Variants in DISC1 observed in about 807,000 individuals in gnomAD.
The protein encoded by DISC1 is DISC1 scaffold protein, also known as disrupted in schizophrenia 1 protein.
DISC1 carries 57 observed loss-of-function variants against 84.5 expected under a neutral mutation model. The ratio of observed to expected loss-of-function variants is 0.67; its 90% CI spans 0.55 to 0.84. The LOEUF (loss-of-function observed/expected upper bound fraction) is 0.84. DISC1 is among the 40% of genes least tolerant of loss of function. The pLI is 0.00. For missense variants in DISC1, 1,000 were observed against 1,057.8 expected, an observed-to-expected ratio of 0.95 and a Z score of 0.76; for synonymous variants, 411 against 415.2, an observed-to-expected ratio of 0.99 and a Z score of 0.12.
At chr1:231,669,646 A>G (rs2062386392) in intron 1 of DISC1, among the ~76,000 whole-genome samples, 1 of 152,230 alleles carries the variant, frequency 6.6e-6, no homozygotes, top group Admixed American at 6.5e-5. Flanking sequence ...TGATCATGAG[A>G]GAGGTGTAAA....
intron 10 of DISC1, among the ~76,000 whole-genome samples, chr1:231,972,533 C>T (rs1412040703): frequency 2.0e-5 from 3 of 152,174 alleles, no homozygotes; most frequent in Non-Finnish European, 4.4e-5. Flanking sequence ...GGCTTCTCAT[C>T]TCCAGCTATG....
At chr1:231,718,971 A>G (rs373294678) in intron 3 of DISC1, among the ~76,000 whole-genome samples, 5 of 152,104 alleles carry the variant, frequency 3.3e-5, no homozygotes, top group Admixed American at 2.6e-4. Flanking sequence ...CCATGTCTAT[A>G]AAATTTAGCC....
At chr1:231,919,825 G>A (rs560759614) in intron 9 of DISC1, among the ~76,000 whole-genome samples, 42 of 152,242 alleles carry the variant, frequency 2.8e-4, no homozygotes, top group African/African-American at 9.9e-4. Flanking sequence ...AATAATTTCA[G>A]GTGTGCCTTG....
intron 10 of DISC1, among the ~76,000 whole-genome samples, chr1:231,960,286 G>A (rs1343937427): frequency 6.6e-6 from 1 of 151,732 alleles, no homozygotes; most frequent in East Asian, 1.9e-4. Flanking sequence ...ATGAAGTTTC[G>A]CTCATTGCCC....
chr1:231,700,945 G>T (rs2066341878), intron 2 of DISC1, among the ~76,000 whole-genome samples: 1 of 152,164 alleles, frequency 6.6e-6, no homozygotes, highest in East Asian at 1.9e-4. Flanking sequence ...TCCATTCATT[G>T]GTAGGCCAAG....
At chr1:231,658,847 A>G (rs2061348349) in intron 1 of DISC1, among the ~76,000 whole-genome samples, 1 of 152,162 alleles carries the variant, frequency 6.6e-6, no homozygotes, top group Admixed American at 6.5e-5. Flanking sequence ...TCTAGTGGAT[A>G]AGCTTTTTGA....
intron 10 of DISC1, among the ~76,000 whole-genome samples, chr1:231,992,060 A>G (rs997893623): frequency 3.1e-4 from 47 of 152,184 alleles, no homozygotes; most frequent in African/African-American, 1.1e-3. Flanking sequence ...TCATGCTGCA[A>G]TGATCATCCT....
At chr1:231,825,186 C>G (rs1467133611) in intron 9 of DISC1, among the ~76,000 whole-genome samples, 3 of 152,120 alleles carry the variant, frequency 2.0e-5, no homozygotes, top group Admixed American at 6.5e-5. Context: ...TTTCACTTGT[C>G]TCTCTACTTG....
chr1:231,872,768 A>G (rs979607562), intron 9 of DISC1, among the ~76,000 whole-genome samples: 6 of 152,174 alleles, frequency 3.9e-5, no homozygotes, highest in African/African-American at 1.4e-4. Flanking sequence ...AATTCTCGTT[A>G]AATTACTCAT....
chr1:231,722,624 A>C, intron 3 of DISC1: 1 of 1,614,128 alleles, frequency 6.2e-7, no homozygotes, highest in Non-Finnish European at 8.5e-7. Flanking sequence ...AATTTAAACA[A>C]AGCAAGACAA....
chr1:232,014,383 G>T (rs821642), intron 11 of DISC1, among the ~76,000 whole-genome samples: 52,414 of 152,040 alleles, frequency 0.34, 9,287 homozygotes, highest in East Asian at 0.42. Context: ...AGCTGGTTTT[G>T]CTCTTTTTGT....
chr1:231,806,402 G>T (rs190298678), intron 8 of DISC1, among the ~76,000 whole-genome samples: 1 of 152,340 alleles, frequency 6.6e-6, no homozygotes, highest in Non-Finnish European at 1.5e-5. Flanking sequence ...TGTCAATGGG[G>T]TGGATTCGTT....
At chr1:231,641,331 T>G (rs992148908) in intron 1 of DISC1, among the ~76,000 whole-genome samples, 2 of 152,078 alleles carry the variant, frequency 1.3e-5, no homozygotes, top group African/African-American at 4.8e-5. Context: ...AGTGGGTTCG[T>G]GGTCTCGCTG....
At chr1:231,768,659 C>T (rs59887627) in intron 5 of DISC1, among the ~76,000 whole-genome samples, 1 of 152,304 alleles carries the variant, frequency 6.6e-6, no homozygotes, top group South Asian at 2.1e-4. Flanking sequence ...TAAGGGTTCA[C>T]TAAGTGCCAG....
rs115518322 is a variant in DISC1 at position 231,663,808 on chromosome 1, T to C, written c.68-30018T>C. Among the ~76,000 whole-genome samples, 1,066 of 152,360 alleles carry C rather than the reference T, an allele frequency of 7.0e-3. 8 individuals carry two copies. The highest frequency in any genetic ancestry group is 0.012 in the Non-Finnish European group (841 of 68,032). On this transcript the variant is annotated intron_variant, in intron 1 of 12. Coordinates refer to ENST00000439617, the MANE Select transcript of DISC1 (RefSeq NM_018662.3). The stretch of plus-strand genomic sequence containing the variant: ...AGAGCTTTATTTCCATGGGGGCTAA[T>C]GCTCCTTTAAGTTTCTGGCAATGAT...
intron 9 of DISC1, among the ~76,000 whole-genome samples, chr1:231,866,181 A>C (rs1270077683): frequency 6.6e-6 from 1 of 152,102 alleles, no homozygotes; most frequent in African/African-American, 2.4e-5. Flanking sequence ...TACCCCCTGC[A>C]CGTGCAGAGC....
chr1:232,009,716 C>A lies in DISC1; in HGVS notation c.2307+667C>A. 1.7e-6 allele frequency: 1 copy of A among 593,178 alleles called. No homozygotes were observed. Among genetic ancestry groups the A allele is most frequent in the Non-Finnish European group, 2.1e-6 (1 of 472,204 alleles). The allele number at this position is 593,178 out of a possible 1,614,324, so 36.7% of individuals were successfully genotyped here. ...CCCTTCCACTCCTCACTTTCCTCCT[C>A]CCACCCTAACAAGAGTCTTTTCCAT... On this transcript the variant is annotated intron_variant, in intron 11 of 12. Transcript: ENST00000439617. The surrounding 1 kb of genome is among the most constrained non-coding windows in gnomAD (Gnocchi z 4.6).
At chr1:231,936,515 G>A (rs1378492149) in intron 9 of DISC1, among the ~76,000 whole-genome samples, 1 of 152,172 alleles carries the variant, frequency 6.6e-6, no homozygotes. Flanking sequence ...AAAGAGGTTT[G>A]AATGTTTTTA....
At chr1:231,879,455 A>G (rs1002546132) in intron 9 of DISC1, among the ~76,000 whole-genome samples, 10 of 152,006 alleles carry the variant, frequency 6.6e-5, no homozygotes, top group African/African-American at 1.5e-4. Context: ...AAGGTTTGCT[A>G]TAGCCAGTGA....
Sources: allele counts gnomAD v4.1 joint callset (sites outside exome capture counted in the v4.1 genomes callset), GRCh38; gene constraint gnomAD v4.1.1; non-coding constraint Gnocchi (gnomAD v3.1); transcripts MANE v1.5; gene names NCBI Gene and HGNC (gene_info 2026-07-23, HGNC 2026-07-21).